NRXN1: variants seen among roughly 807,000 people sequenced by gnomAD.
NRXN1 encodes neurexin 1, also known as neurexin-1.
NRXN1 carries 39 observed loss-of-function variants against 150.9 expected under a neutral mutation model. That is an observed-to-expected ratio of 0.26 (90% CI 0.20 to 0.34). NRXN1 has a LOEUF of 0.34. Ranked by LOEUF, NRXN1 falls within the 10% of genes least tolerant of loss-of-function variation. The pLI, the probability that NRXN1 is intolerant of heterozygous loss-of-function variation, is 1.00. For missense variants in NRXN1, 1,815 were observed against 1,949.9 expected (o/e 0.93, Z 1.30); for synonymous variants, 924 against 757.0 (o/e 1.22, Z -3.62).
chr2:50,410,264 T>C (rs2083052504), intron 17 of NRXN1, among the ~76,000 whole-genome samples: 2 of 152,234 alleles, frequency 1.3e-5, no homozygotes, highest in South Asian at 4.1e-4. Flanking sequence ...AAGGTCTGGC[T>C]GGAATTTACT....
chr2:50,999,613 C>T (rs1056537319), intron 2 of NRXN1, among the ~76,000 whole-genome samples: 1 of 151,954 alleles, frequency 6.6e-6, no homozygotes, highest in South Asian at 2.1e-4. Flanking sequence ...CCAGCTGACA[C>T]TTAGGGAAAA....
intron 18 of NRXN1, among the ~76,000 whole-genome samples, chr2:50,113,051 A>C (rs1702584588): frequency 6.6e-6 from 1 of 152,134 alleles, no homozygotes; most frequent in South Asian, 2.1e-4. Context: ...CCAAGTCAAA[A>C]TGTGACCTCT....
rs2091574230 is a variant in NRXN1, at chr2:50,495,835, C to G, written c.3070+70G>C. On this transcript the variant is annotated intron_variant, in intron 15 of 22. Coordinates refer to ENST00000401669, the MANE Select transcript of NRXN1 (RefSeq NM_001330078.2). ...CAGAAGGTACAAACACACCCCTAAG[C>G]AAAGGATTTTCCATGTGAAGGGAGA... The G allele has an allele frequency of 2.2e-6, 3 of 1,390,262 alleles. No individual in the cohort carries two copies. In the African/African-American group the frequency reaches 4.3e-5, roughly 20 times the overall value. 86.1% of individuals were successfully genotyped at this position (1,390,262 alleles called of 1,614,324 possible). A position where few individuals can be genotyped will look rare whatever the true frequency, so the allele number is the denominator to read the frequency against.
rs185839290 is a variant in NRXN1 at position 50,214,642 on chromosome 2, A to C, written c.3546+22147T>G. Among the ~76,000 whole-genome samples, 263 of 152,084 alleles carry C rather than the reference A, an allele frequency of 1.7e-3. 4 individuals are homozygous for C. The highest frequency in any genetic ancestry group is 0.015 in the Admixed American group (230 of 15,226). On this transcript the variant is annotated intron_variant, in intron 18 of 22. Transcript: ENST00000401669. ...CTAGCTACTTTCAACTCTTAAATAG[A>C]GAGCTTGACTTCTGATTTTTCTAAG...
intron 18 of NRXN1, among the ~76,000 whole-genome samples, chr2:50,169,767 G>A (rs1358869213): frequency 1.3e-5 from 2 of 151,244 alleles, no homozygotes; most frequent in African/African-American, 4.8e-5. Flanking sequence ...GATGGAGGAC[G>A]GGGGATGGAA....
chr2:50,381,539 ACACAC>A (rs1256123669), intron 17 of NRXN1, among the ~76,000 whole-genome samples: 13 of 148,342 alleles, frequency 8.8e-5, no homozygotes, highest in African/African-American at 2.7e-4. Flanking sequence ...ACACACACAC[ACACAC>A]ACACACACAC....
At chr2:50,857,553 G>C (rs1407711548) in intron 5 of NRXN1, among the ~76,000 whole-genome samples, 1 of 151,932 alleles carries the variant, frequency 6.6e-6, no homozygotes, top group African/African-American at 2.4e-5. Context: ...TAACATCTAG[G>C]TTTTCGAAGT....
Position 50,334,192 on chromosome 2 carries a change from A to ATTTTATATATATATATATATATAT in NRXN1, c.3365-97223_3365-97222insATATATATATATATATATATAAAA, listed in dbSNP as rs1553457970. On this transcript the variant is annotated intron_variant, in intron 17 of 22. Transcript: ENST00000401669. ...CTGCCTTTCCTTAAGACCAGGACCA[A>ATTTTATATATATATATATATATAT]ATATATATATATATATATATGTATG... Among the ~76,000 whole-genome samples the ATTTTATATATATATATATATATAT allele has an allele frequency of 2.9e-4, 34 of 118,962 alleles. 2 individuals carry two copies. The highest frequency in any genetic ancestry group is 6.0e-4 in the African/African-American group (14 of 23,174). The allele number at this position is 118,962 out of a possible 152,430, so 78.0% of individuals were successfully genotyped here. A position where few individuals can be genotyped will look rare whatever the true frequency, so the allele number is the denominator to read the frequency against.
intron 5 of NRXN1, among the ~76,000 whole-genome samples, chr2:50,878,054 T>C (rs908588207): frequency 1.3e-4 from 19 of 151,922 alleles, no homozygotes; most frequent in Admixed American, 9.9e-4. Context: ...TCCTCTGGAT[T>C]CTGCTTTTTA....
chr2:50,404,415 G>T (rs1215172977), intron 17 of NRXN1, among the ~76,000 whole-genome samples: 1 of 152,056 alleles, frequency 6.6e-6, no homozygotes, highest in African/African-American at 2.4e-5. Context: ...CCTCCCTAGT[G>T]GAAACCCACT....
intron 2 of NRXN1, among the ~76,000 whole-genome samples, chr2:50,992,147 G>T (rs576000517): frequency 6.6e-6 from 1 of 151,894 alleles, no homozygotes; most frequent in African/African-American, 2.4e-5. Flanking sequence ...ATTCATAAAG[G>T]TCTCCTCCAA....
intron 5 of NRXN1, among the ~76,000 whole-genome samples, chr2:50,705,076 A>ACACC (rs1046173385): frequency 6.6e-6 from 1 of 150,964 alleles, no homozygotes; most frequent in Non-Finnish European, 1.5e-5. Context: ...ACACACACAC[A>ACACC]CCCATCCCCA....
rs796052779 is a variant in NRXN1, at chr2:50,497,615, A to G, written c.2597T>C (p.Ile866Thr). 9 of 1,613,942 alleles carry G rather than the reference A, an allele frequency of 5.6e-6. No homozygotes were observed. Among genetic ancestry groups the G allele is most frequent in the South Asian group, 2.2e-5 (2 of 91,078 alleles). The change falls in exon 14 of 23, where the codon ATT (isoleucine) becomes ACT (threonine). Residue 866 changes from isoleucine (I) to threonine (T), a missense_variant. Around this residue, in one of 6 missense-constraint regions of NRXN1, gnomAD observed 638 missense variants for 652.6 expected, o/e 0.98. Coordinates refer to ENST00000401669, the MANE Select transcript of NRXN1 (RefSeq NM_001330078.2). ...RYLSSVPSNF[I>T]GHLQSLTFNG... is the part of the protein sequence containing the mutation. ...AAATGTCAAGCTCTGCAGGTGTCCA[A>G]TGAAGTTGGAGGGGACAGAAGAAAG...
intron 5 of NRXN1, among the ~76,000 whole-genome samples, chr2:50,850,422 G>A (rs1446996190): frequency 6.6e-6 from 1 of 152,086 alleles, no homozygotes; most frequent in Non-Finnish European, 1.5e-5. Flanking sequence ...GATTACAGAT[G>A]AAATATACGG....
At chr2:50,275,501 G>GAA (rs563078155) in intron 17 of NRXN1, among the ~76,000 whole-genome samples, 227 of 146,816 alleles carry the variant, frequency 1.5e-3, no homozygotes, top group African/African-American at 5.3e-3. Context: ...GTTTCAGACA[G>GAA]AAAAAAAAAA....
intron 5 of NRXN1, among the ~76,000 whole-genome samples, chr2:50,763,485 C>T (rs1280447428): frequency 6.6e-6 from 1 of 151,884 alleles, no homozygotes; most frequent in Non-Finnish European, 1.5e-5. Flanking sequence ...TTAATAGTTT[C>T]TCTTCTTCCC....
intron 21 of NRXN1, among the ~76,000 whole-genome samples, chr2:49,968,105 C>CCCA (rs1395304408): frequency 6.6e-6 from 1 of 151,030 alleles, no homozygotes; most frequent in Non-Finnish European, 1.5e-5. Context: ...ACTGCCCAGA[C>CCCA]CCACTCACAC....
At chr2:50,602,842 T>C (rs983361687) in intron 8 of NRXN1, among the ~76,000 whole-genome samples, 2 of 152,204 alleles carry the variant, frequency 1.3e-5, no homozygotes, top group African/African-American at 4.8e-5. Flanking sequence ...GCATGTGTGA[T>C]CATAGGACCA....
intron 18 of NRXN1, among the ~76,000 whole-genome samples, chr2:50,157,019 C>T (rs573190459): frequency 6.6e-6 from 1 of 151,952 alleles, no homozygotes; most frequent in African/African-American, 2.4e-5. Context: ...CTTAGTTAAA[C>T]CATTTAACCA....
Sources: gnomAD v4.1 joint callset for allele counts (sites outside exome capture counted in the v4.1 genomes callset) on GRCh38, gnomAD v4.1.1 for gene constraint, gnomAD v4.1.1 regional missense constraint, MANE v1.5 for transcripts, NCBI Gene and HGNC (gene_info 2026-07-23, HGNC 2026-07-21) for gene names.